The following ARHGEF10L variants were observed in gnomAD, a reference collection of about 807,000 sequenced individuals.
ARHGEF10L encodes rho guanine nucleotide exchange factor 10-like protein.
A neutral mutation model predicts 141.2 loss-of-function variants in ARHGEF10L; 69 were observed. The ratio of observed to expected loss-of-function variants is 0.49; its 90% CI spans 0.40 to 0.60. ARHGEF10L has a LOEUF of 0.60. ARHGEF10L is among the 20% of genes least tolerant of loss of function. ARHGEF10L has a pLI of 0.00. For missense variants in ARHGEF10L, 1,482 were observed against 1,734.3 expected (o/e 0.85, Z 2.58); for synonymous variants, 711 against 718.5 (o/e 0.99, Z 0.17).
At chr1:17,672,868 A>C (rs1009546522) in intron 26 of ARHGEF10L, among the ~76,000 whole-genome samples, 1 of 151,990 alleles carries the variant, frequency 6.6e-6, no homozygotes, top group Non-Finnish European at 1.5e-5. Context: ...GGCTGGTTGC[A>C]AACTCGGGCC....
chr1:17,550,272 G>A (rs976316219), intron 1 of ARHGEF10L, among the ~76,000 whole-genome samples: 5 of 152,240 alleles, frequency 3.3e-5, no homozygotes, highest in African/African-American at 1.2e-4. Context: ...ACGGTTAAGA[G>A]GGAGTGAGGA....
intron 21 of ARHGEF10L, among the ~76,000 whole-genome samples, chr1:17,641,777 G>A (rs1178496244): frequency 2.0e-5 from 3 of 151,914 alleles, no homozygotes; most frequent in African/African-American, 7.3e-5. Context: ...TCAGGAGTTC[G>A]AGACCATCCT....
intron 8 of ARHGEF10L, among the ~76,000 whole-genome samples, chr1:17,614,651 G>A (rs561571225): frequency 5.3e-5 from 8 of 151,570 alleles, no homozygotes; most frequent in African/African-American, 1.5e-4. Flanking sequence ...CATCCCTTTC[G>A]TTAGATTCTC....
chr1:17,664,684 C>T, intron 26 of ARHGEF10L, 89 bp downstream of exon 26: 1 of 1,386,368 alleles, frequency 7.2e-7, no homozygotes, highest in South Asian at 1.6e-5. Flanking sequence ...CCGCTTTCAG[C>T]TCCCAGTGGC....
chr1:17,652,935 C>A (rs2062016937), intron 22 of ARHGEF10L, among the ~76,000 whole-genome samples: 1 of 152,210 alleles, frequency 6.6e-6, no homozygotes, highest in African/African-American at 2.4e-5. Flanking sequence ...CCAACCTCAG[C>A]CAGAACTGCT....
At chr1:17,536,146 G>A (rs2100560796), upstream of ARHGEF10L, among the ~76,000 whole-genome samples, 1 of 152,338 alleles carries the variant, frequency 6.6e-6, no homozygotes, top group East Asian at 1.9e-4. Context: ...CAAAGGCTCA[G>A]AGAAACACCT....
At position 17,697,641 on chromosome 1, in the gene ARHGEF10L, A is replaced by C; in HGVS notation, c.*261A>C. On this transcript the variant is annotated 3_prime_UTR_variant, in exon 29 of 29. Coordinates refer to ENST00000361221, the MANE Select transcript of ARHGEF10L (RefSeq NM_018125.4). This position sits in a 1 kb window ranked among gnomAD's most constrained non-coding sequence, Gnocchi z 4.8. ...AAAAGCAAAAAACACAAAACCTCAC[A>C]ACTGCCTGGCAAGCCCAGTATCACT... 1 of 619,038 alleles carries C rather than the reference A, an allele frequency of 1.6e-6. No individual in the cohort carries two copies. Among genetic ancestry groups the C allele is most frequent in the Non-Finnish European group, 3.0e-6 (1 of 333,610 alleles). 38.3% of individuals were successfully genotyped at this position (619,038 alleles called of 1,614,324 possible).
chr1:17,666,114 T>C (rs1463459300), intron 26 of ARHGEF10L, among the ~76,000 whole-genome samples: 4 of 152,190 alleles, frequency 2.6e-5, no homozygotes, highest in Non-Finnish European at 5.9e-5. Context: ...GGGAAGGCCA[T>C]GTGCATGACT....
Position 17,696,870 on chromosome 1 carries a change from C to T in ARHGEF10L, c.3330C>T (p.Asn1110=), listed in dbSNP as rs2270978. Residue 1110 remains asparagine, a synonymous_variant, in exon 29 of 29, where the codon AAC becomes AAT. Coordinates refer to ENST00000361221, the MANE Select transcript of ARHGEF10L (RefSeq NM_018125.4). ...KITGKGMVSL[N]GHCGPVAFLA... is the part of the protein sequence containing the mutation. ...CAGGGAAAGGCATGGTCTCACTCAA[C>T]GGGCACTGTGGGCCTGTGGCCTTCC... is the stretch of plus-strand genomic sequence containing the variant. 0.82 allele frequency: 1,284,639 copies of T among 1,572,642 alleles called. 526,846 individuals are homozygous for T. Among genetic ancestry groups the T allele is most frequent in the South Asian group, 0.89 (76,997 of 86,684 alleles).
chr1:17,532,328 G>C, the ARHGEF10L span, among the ~76,000 whole-genome samples: 1 of 152,154 alleles, frequency 6.6e-6, no homozygotes, highest in Non-Finnish European at 1.5e-5. Context: ...AGGAAGCAAA[G>C]ACCTTGTCTC....
At chr1:17,525,241 C>T in the ARHGEF10L span, among the ~76,000 whole-genome samples, 17 of 152,142 alleles carry the variant, frequency 1.1e-4, no homozygotes, top group Admixed American at 9.8e-4. Context: ...CTTCTCCCTC[C>T]GCATCTTAGT....
chr1:17,585,299 C>T (rs1439176261), intron 2 of ARHGEF10L, among the ~76,000 whole-genome samples: 17 of 152,094 alleles, frequency 1.1e-4, no homozygotes, highest in African/African-American at 3.9e-4. Flanking sequence ...CAGTCCATCC[C>T]CATCCTCTTA....
intron 2 of ARHGEF10L, among the ~76,000 whole-genome samples, chr1:17,584,501 C>T (rs113509393): frequency 0.012 from 1,854 of 152,024 alleles, 39 homozygotes; most frequent in African/African-American, 0.042. Flanking sequence ...AGCTTATATT[C>T]GAGTAGAGGA....
At chr1:17,655,499 C>T (rs2062187574) in intron 23 of ARHGEF10L, among the ~76,000 whole-genome samples, 1 of 151,826 alleles carries the variant, frequency 6.6e-6, no homozygotes, top group Non-Finnish European at 1.5e-5. Flanking sequence ...ATCCATCCAA[C>T]AAGAATATAT....
intron 6 of ARHGEF10L, among the ~76,000 whole-genome samples, chr1:17,606,641 C>T (rs1365456132): frequency 6.6e-6 from 1 of 151,534 alleles, no homozygotes; most frequent in East Asian, 1.9e-4. Flanking sequence ...CAAAAAAACC[C>T]TTCCCAATGC....
chr1:17,579,746 C>G (rs2078398980), intron 1 of ARHGEF10L, among the ~76,000 whole-genome samples: 1 of 152,178 alleles, frequency 6.6e-6, no homozygotes, highest in Non-Finnish European at 1.5e-5. Flanking sequence ...AGGGTGCATT[C>G]TCTCCTCCAC....
chr1:17,551,207 T>G (rs2077099322), intron 1 of ARHGEF10L, among the ~76,000 whole-genome samples: 1 of 152,096 alleles, frequency 6.6e-6, no homozygotes, highest in Non-Finnish European at 1.5e-5. Flanking sequence ...CAACACATAT[T>G]TACTAAGCAC....
chr1:17,676,982 G>T (rs1186270138), intron 26 of ARHGEF10L, among the ~76,000 whole-genome samples: 1 of 151,802 alleles, frequency 6.6e-6, no homozygotes, highest in Non-Finnish European at 1.5e-5. Context: ...CGCACTCTCT[G>T]CATCGGGCCG....
chr1:17,530,612 G>T, the ARHGEF10L span, among the ~76,000 whole-genome samples: 2 of 152,244 alleles, frequency 1.3e-5, no homozygotes, highest in African/African-American at 4.8e-5. Flanking sequence ...GCAATGTGGT[G>T]GGGGAGAGTC....
Sources: gnomAD v4.1 joint callset for allele counts (sites outside exome capture counted in the v4.1 genomes callset) on GRCh38, gnomAD v4.1.1 for gene constraint, Gnocchi (gnomAD v3.1) non-coding constraint, MANE v1.5 for transcripts, NCBI Gene and HGNC (gene_info 2026-07-23, HGNC 2026-07-21) for gene names.